Variants in ZDHHC15 observed in about 807,000 individuals in gnomAD.
ZDHHC15 encodes zDHHC palmitoyltransferase 15, also known as palmitoyltransferase ZDHHC15.
Under a neutral mutation model 31.7 loss-of-function variants are expected in ZDHHC15, and 19 were observed. That is an observed-to-expected ratio of 0.60 (90% CI 0.42 to 0.88). The LOEUF (loss-of-function observed/expected upper bound fraction) is 0.88. Among genes scored for constraint, ZDHHC15 ranks in the 40% least tolerant of loss-of-function variants. The probability of loss-of-function intolerance (pLI) is 0.00; values close to 1 mark genes in which losing one functional copy is unlikely to be tolerated. For missense variants in ZDHHC15, 209 were observed against 251.2 expected, an observed-to-expected ratio of 0.83 and a Z score of 1.14; for synonymous variants, 103 against 90.0, an observed-to-expected ratio of 1.14 and a Z score of -0.82.
chrX:75,473,384 A>G (rs1199627895), intron 3 of ZDHHC15, among the ~76,000 whole-genome samples: 3 of 111,175 alleles, frequency 2.7e-5, no homozygotes, highest in Non-Finnish European at 3.8e-5. Flanking sequence ...ACTACTCACT[A>G]TCACCCCTAG....
At chrX:75,413,813 C>G (rs1453348536) in intron 10 of ZDHHC15, among the ~76,000 whole-genome samples, 1 of 109,945 alleles carries the variant, frequency 9.1e-6, no homozygotes, top group Non-Finnish European at 1.9e-5. Context: ...TTACTCCCAG[C>G]CCCCGACCCC....
At chrX:75,404,237 T>C (rs1602571079) in intron 10 of ZDHHC15, among the ~76,000 whole-genome samples, 2 of 112,057 alleles carry the variant, frequency 1.8e-5, no homozygotes, top group South Asian at 3.7e-4. Flanking sequence ...CAAGATGGAT[T>C]AAAGAATTAA....
intron 9 of ZDHHC15, among the ~76,000 whole-genome samples, chrX:75,420,812 G>A (rs1381677603): frequency 9.1e-6 from 1 of 110,330 alleles, no homozygotes; most frequent in Non-Finnish European, 1.9e-5. Context: ...CCTGGGGTGG[G>A]GAGCTAGGGG....
At chrX:75,415,485 C>T (rs1256289741) in intron 10 of ZDHHC15, among the ~76,000 whole-genome samples, 1 of 112,095 alleles carries the variant, frequency 8.9e-6, no homozygotes, top group Non-Finnish European at 1.9e-5. Flanking sequence ...CTTCAGATCA[C>T]TAAATGGCAT....
At chrX:75,399,542 T>C (rs747064836) in intron 10 of ZDHHC15, among the ~76,000 whole-genome samples, 6 of 110,802 alleles carry the variant, frequency 5.4e-5, no homozygotes, top group Non-Finnish European at 1.1e-4. Context: ...CTCTCTGGAG[T>C]AAAGCCTCCA....
At chrX:75,517,888 T>G (rs140811189) in intron 1 of ZDHHC15, among the ~76,000 whole-genome samples, 4,361 of 109,617 alleles carry the variant, frequency 0.04, 101 homozygotes, top group Middle Eastern at 0.07. Context: ...CCCAGCTATT[T>G]GAGAGGCTAA....
At chrX:75,407,689 C>A (rs1000048706) in intron 10 of ZDHHC15, among the ~76,000 whole-genome samples, 27 of 113,174 alleles carry the variant, frequency 2.4e-4, no homozygotes, top group Non-Finnish European at 4.7e-4. Context: ...CTCTGCCCGG[C>A]CGCCACCCCA....
chrX:75,385,112 T>C (rs894594172), intron 10 of ZDHHC15, among the ~76,000 whole-genome samples: 19 of 112,006 alleles, frequency 1.7e-4, no homozygotes, highest in African/African-American at 5.8e-4. Context: ...AAGTAATTTT[T>C]TCTTCAAGCA....
chrX:75,447,803 C>T (rs1213503180), intron 4 of ZDHHC15, among the ~76,000 whole-genome samples: 1 of 111,716 alleles, frequency 9.0e-6, no homozygotes, highest in Non-Finnish European at 1.9e-5. Flanking sequence ...CCAGGGGACA[C>T]AACAATGATT....
chrX:75,432,354 T>A (rs1421628948), intron 4 of ZDHHC15, among the ~76,000 whole-genome samples: 1 of 111,843 alleles, frequency 8.9e-6, no homozygotes, highest in African/African-American at 3.3e-5. Context: ...TGAACTAATA[T>A]AATCATTTCA....
intron 10 of ZDHHC15, among the ~76,000 whole-genome samples, chrX:75,391,077 A>T (rs1378566393): frequency 8.9e-6 from 1 of 112,108 alleles, no homozygotes; most frequent in African/African-American, 3.2e-5. Context: ...ATTCAATTGA[A>T]TACTGACGAA....
At chrX:75,443,080 C>A (rs765914726) in intron 4 of ZDHHC15, among the ~76,000 whole-genome samples, 1 of 110,724 alleles carries the variant, frequency 9.0e-6, no homozygotes, top group East Asian at 2.8e-4. Context: ...ATCAAGCTAC[C>A]AATGACTTTC....
intron 10 of ZDHHC15, among the ~76,000 whole-genome samples, chrX:75,385,314 G>T (rs1215637869): frequency 2.7e-5 from 3 of 110,989 alleles, no homozygotes; most frequent in African/African-American, 9.8e-5. Context: ...AAGGTCCAGG[G>T]ATTACAGCAA....
chrX:75,437,329 A>G (rs2083868927), intron 4 of ZDHHC15, among the ~76,000 whole-genome samples: 2 of 100,786 alleles, frequency 2.0e-5, no homozygotes, highest in Non-Finnish European at 4.0e-5. Context: ...GTACATGTGC[A>G]CAATGTGCAG....
rs756950882 is a variant in ZDHHC15 at position 75,420,065 on chromosome X, G to A, written c.863+1799C>T. 6.4e-5 allele frequency among the ~76,000 whole-genome samples: 7 copies of A among 109,241 alleles called. No individual in the cohort carries two copies. In the South Asian group the frequency reaches 1.2e-3, roughly 19 times the overall value. The allele number at this position is 109,241 out of a possible 115,157, so 94.9% of individuals were successfully genotyped here. ...GTATACATATGTAACAAACCTGCAC[G>A]TTGTGCCCATGTACCTTAAAGCTTA... On this transcript the variant is annotated intron_variant, in intron 9 of 11. Transcript: ENST00000373367.
intron 3 of ZDHHC15, among the ~76,000 whole-genome samples, chrX:75,460,864 C>T (rs931908557): frequency 2.7e-5 from 3 of 112,030 alleles, no homozygotes; most frequent in East Asian, 5.6e-4. Flanking sequence ...GAAAACAAAA[C>T]GCCAGAGTGT....
chrX:75,429,930 T>C lies in ZDHHC15; in HGVS notation c.482+18A>G, dbSNP rs1274140801. On this transcript the variant is annotated intron_variant, in intron 6 of 11. Coordinates refer to ENST00000373367, the MANE Select transcript of ZDHHC15 (RefSeq NM_144969.3). ...CTTTGACCCCTTTAGAGGAGAGAAA[T>C]GAATCAAACAGACATACCAAGGGCA... 1 of 1,206,497 alleles carries C rather than the reference T, an allele frequency of 8.3e-7. No homozygotes were observed. Among genetic ancestry groups the C allele is most frequent in the Non-Finnish European group, 1.1e-6 (1 of 892,572 alleles).
At chrX:75,385,578 T>A (rs1025317387) in intron 10 of ZDHHC15, among the ~76,000 whole-genome samples, 2 of 111,831 alleles carry the variant, frequency 1.8e-5, no homozygotes, top group African/African-American at 6.5e-5. Flanking sequence ...ATAAAGATGA[T>A]GAGTTCTCTT....
intron 4 of ZDHHC15, 175 bp downstream of exon 4, chrX:75,450,627 C>A: frequency 1.0e-6 from 1 of 999,314 alleles, no homozygotes; most frequent in Non-Finnish European, 1.3e-6. Context: ...CTATACAATT[C>A]TTCCAGCTTT....
Sources: allele counts gnomAD v4.1 joint callset (sites outside exome capture counted in the v4.1 genomes callset), GRCh38; gene constraint gnomAD v4.1.1; transcripts MANE v1.5; gene names NCBI Gene and HGNC (gene_info 2026-07-23, HGNC 2026-07-21).